The following GPRIN3 variants were observed in gnomAD, a reference collection of about 807,000 sequenced individuals.
GPRIN3 encodes G protein-regulated inducer of neurite outgrowth 3.
GPRIN3 carries 12 observed loss-of-function variants against 13.7 expected under a neutral mutation model. The ratio of observed to expected loss-of-function variants is 0.87; its 90% CI spans 0.56 to 1.42. The LOEUF is 1.42. Among genes scored for constraint, GPRIN3 ranks in the 40% most tolerant of loss-of-function variants. The probability of loss-of-function intolerance (pLI) is 0.00; values close to 1 mark genes in which losing one functional copy is unlikely to be tolerated. For synonymous variants in GPRIN3, 377 were observed against 372.7 expected (o/e 1.01, Z -0.13); for missense variants, 1,009 against 958.7 (o/e 1.05, Z -0.69).
At chr4:89,304,499 T>C (rs1724983114) in intron 1 of GPRIN3, among the ~76,000 whole-genome samples, 1 of 152,204 alleles carries the variant, frequency 6.6e-6, no homozygotes, top group Non-Finnish European at 1.5e-5. Flanking sequence ...ATAAAAATGC[T>C]GATCAGACTC....
chr4:89,304,234 G>A (rs766710831), intron 1 of GPRIN3, among the ~76,000 whole-genome samples: 4 of 152,124 alleles, frequency 2.6e-5, no homozygotes, highest in East Asian at 3.8e-4. Flanking sequence ...AGAATATTGC[G>A]GAAAATGCTT....
chr4:89,256,318 C>T (rs1723464506), intron 1 of GPRIN3, among the ~76,000 whole-genome samples: 1 of 152,188 alleles, frequency 6.6e-6, no homozygotes, highest in Non-Finnish European at 1.5e-5. Context: ...TTAACATCCA[C>T]TACAGTGACA....
intron 1 of GPRIN3, among the ~76,000 whole-genome samples, chr4:89,278,855 A>T (rs1724166005): frequency 6.6e-6 from 1 of 152,200 alleles, no homozygotes; most frequent in Admixed American, 6.5e-5. Context: ...GATCTGGGGT[A>T]GTCACAGAAT....
chr4:89,276,137 T>A lies in GPRIN3; in HGVS notation c.-123-25904A>T, dbSNP rs562236924. ...ACACAGCAAATAATATAGGGTATTT[T>A]TTTATGATAACAATGAATTTTGAAT... On this transcript the variant is annotated intron_variant, in intron 1 of 1. Transcript: ENST00000609438. Among the ~76,000 whole-genome samples the A allele has an allele frequency of 5.6e-3, 848 of 152,308 alleles. 6 individuals carry two copies. Among genetic ancestry groups the A allele is most frequent in the African/African-American group, 0.019 (810 of 41,556 alleles).
chr4:89,300,277 G>A (rs947062577), intron 1 of GPRIN3, among the ~76,000 whole-genome samples: 2 of 152,068 alleles, frequency 1.3e-5, no homozygotes, highest in African/African-American at 4.8e-5. Flanking sequence ...AATACCTACA[G>A]GTTTGGGGTA....
chr4:89,275,168 A>G (rs1165717973), intron 1 of GPRIN3, among the ~76,000 whole-genome samples: 1 of 84,990 alleles, frequency 1.2e-5, no homozygotes, highest in African/African-American at 4.7e-5. Flanking sequence ...GTCCACGCGC[A>G]TGTGCACAGT....
At chr4:89,271,535 T>G (rs981510099) in intron 1 of GPRIN3, among the ~76,000 whole-genome samples, 4 of 152,144 alleles carry the variant, frequency 2.6e-5, no homozygotes, top group Admixed American at 6.5e-5. Flanking sequence ...ACAATGTAAA[T>G]GCTATGTAAA....
intron 1 of GPRIN3, among the ~76,000 whole-genome samples, chr4:89,253,033 C>T (rs34914363): frequency 1.6e-5 from 2 of 121,820 alleles, no homozygotes; most frequent in African/African-American, 6.0e-5. Flanking sequence ...AAAAAAAAAA[C>T]AACTCCTACA....
chr4:89,248,967 A>G lies in GPRIN3; in HGVS notation c.1144T>C (p.Ser382Pro), dbSNP rs28622301. Residue 382 changes from serine (S) to proline (P), a missense_variant, in exon 2 of 2, where the codon TCC becomes CCC. By Grantham distance (74) the Ser-to-Pro change is moderately conservative. Transcript: ENST00000609438. ...GGCATGATGCCAGGGCACTGGCTGG[A>G]CTCCTGGGGGGCTAGCGTGCTGTCA... is the stretch of plus-strand genomic sequence containing the variant. ...LSDSTLAPQE[S>P]SQCPGIMPQV... 0.12 allele frequency: 189,418 copies of G among 1,613,894 alleles called. 12,305 individuals are homozygous for G. Among genetic ancestry groups the G allele is most frequent in the South Asian group, 0.21 (19,409 of 91,060 alleles).
chr4:89,248,851 G>T lies in GPRIN3; in HGVS notation c.1260C>A (p.Thr420=), dbSNP rs1430928389. Residue 420 remains threonine (T), a synonymous_variant, in exon 2 of 2, where the codon ACC becomes ACA. Coordinates refer to ENST00000609438, the MANE Select transcript of GPRIN3 (RefSeq NM_198281.3). ...LASLPGGVLK[T]SSINLVSSNA... is the part of the protein sequence containing the mutation. ...TACTGGAGACCAAATTGATTGATGA[G>T]GTTTTAAGGACCCCACCTGGTAGGC... The T allele has an allele frequency of 6.2e-7, 1 of 1,614,172 alleles. No homozygotes were observed. The highest frequency in any genetic ancestry group is 1.3e-5 in the African/African-American group (1 of 75,046).
rs778419934 is a variant in GPRIN3 at position 89,248,481 on chromosome 4, G to A, written c.1630C>T (p.Gln544Ter). ...GTAGACTCTTTTTCTTTTACTACCT[G>A]AGGAGATGCAGGCTTCTTTTCCCTT... Reference protein sequence around the residue: ...DAREKKPASPQVVKEKESTGT... With the variant: ...DAREKKPASP The change falls in exon 2 of 2, where the codon CAG (glutamine) becomes TAG (stop). Residue 544 changes from glutamine to a stop codon, truncating the protein, a stop_gained. Coordinates refer to ENST00000609438, the MANE Select transcript of GPRIN3 (RefSeq NM_198281.3). LOFTEE classifies it low-confidence loss of function (END_TRUNC). 1 of 1,612,670 alleles carries A rather than the reference G, an allele frequency of 6.2e-7. No individual in the cohort carries two copies. The highest frequency in any genetic ancestry group is 2.2e-5 in the East Asian group (1 of 44,852).
chr4:89,250,265 A>T (rs1169027343), intron 1 of GPRIN3, 32 bp from the exon 2 acceptor site: 2 of 1,403,106 alleles, frequency 1.4e-6, no homozygotes, highest in East Asian at 4.8e-5. Flanking sequence ...TCATTAATAC[A>T]GTACGTCGCT....
intron 1 of GPRIN3, among the ~76,000 whole-genome samples, chr4:89,286,671 GAA>G (rs1399915828): frequency 6.6e-6 from 1 of 151,910 alleles, no homozygotes; most frequent in Non-Finnish European, 1.5e-5. Context: ...TCTCAAAAAA[GAA>G]AAGTCACCAA....
Position 89,249,227 on chromosome 4 carries a change from A to T in GPRIN3, c.884T>A (p.Phe295Tyr), listed in dbSNP as rs1168021936. 1 of 1,613,890 alleles carries T rather than the reference A, an allele frequency of 6.2e-7. No individual in the cohort carries two copies. The highest frequency in any genetic ancestry group is 1.6e-4 in the Middle Eastern group (1 of 6,062). ...PLPAQRQMSR[F>Y]KEASTMTNQA... ...GTTGGTCATCGTACTGGCTTCTTTGAACCTTGACATCTGACGCTGTGCTGG... is the reference window on the plus strand; with the variant it reads ...GTTGGTCATCGTACTGGCTTCTTTGTACCTTGACATCTGACGCTGTGCTGG... The change falls in exon 2 of 2, where the codon TTC (phenylalanine) becomes TAC (tyrosine). Residue 295 changes from phenylalanine to tyrosine, a missense_variant. Coordinates refer to ENST00000609438, the MANE Select transcript of GPRIN3 (RefSeq NM_198281.3).
chr4:89,247,860 T>G lies in GPRIN3; in HGVS notation c.2251A>C (p.Ser751Arg), dbSNP rs34136184. The G allele has an allele frequency of 1.2e-3, 1,901 of 1,614,148 alleles. 28 individuals are homozygous for G. In the African/African-American group the frequency reaches 0.02, roughly 17 times the overall value. ...SNKKLRGRQH[S>R]VFQSMLQNFR... ...TTCTGCAGCATGGACTGGAAAACAC[T>G]GTGCTGCCTTCCTCTGAGCTTCTTA... Residue 751 changes from serine (S) to arginine (R), a missense_variant, in exon 2 of 2, where the codon AGT becomes CGT. Coordinates refer to ENST00000609438, the MANE Select transcript of GPRIN3 (RefSeq NM_198281.3).
chr4:89,285,289 T>C (rs1724371564), intron 1 of GPRIN3, among the ~76,000 whole-genome samples: 1 of 151,952 alleles, frequency 6.6e-6, no homozygotes, highest in African/African-American at 2.4e-5. Flanking sequence ...ATGGCACATG[T>C]ATACCTAGGT....
chr4:89,255,489 A>G (rs1723441675), intron 1 of GPRIN3, among the ~76,000 whole-genome samples: 1 of 152,200 alleles, frequency 6.6e-6, no homozygotes, highest in Non-Finnish European at 1.5e-5. Flanking sequence ...GGTATCAAGA[A>G]TATTGCAATA....
chr4:89,251,252 A>T (rs1723317166), intron 1 of GPRIN3: 1 of 152,210 alleles, frequency 6.6e-6, no homozygotes, highest in Admixed American at 6.5e-5. Flanking sequence ...CAAATAAAGT[A>T]ACAATGCAAT....
intron 1 of GPRIN3, among the ~76,000 whole-genome samples, chr4:89,282,949 G>GTC (rs1724294072): frequency 6.6e-6 from 1 of 152,128 alleles, no homozygotes; most frequent in African/African-American, 2.4e-5. Flanking sequence ...CCACACATGC[G>GTC]ATTATGTTAC....
Sources: allele counts gnomAD v4.1 joint callset (sites outside exome capture counted in the v4.1 genomes callset), GRCh38; gene constraint gnomAD v4.1.1; transcripts MANE v1.5; gene names NCBI Gene and HGNC (gene_info 2026-07-23, HGNC 2026-07-21).